Variants in EML6 observed in about 807,000 individuals in gnomAD.
EML6 encodes the protein echinoderm microtubule-associated protein-like 6.
In EML6, 154 loss-of-function variants were observed where a neutral mutation model predicts 240.1. The observed-to-expected ratio is 0.64, with a 90% CI of 0.56 to 0.73. The LOEUF (loss-of-function observed/expected upper bound fraction) is 0.73, where lower values mean the gene tolerates loss of function less well. Among genes scored for constraint, EML6 ranks in the 30% least tolerant of loss-of-function variants. The probability of loss-of-function intolerance (pLI) is 0.00; values close to 1 mark genes in which losing one functional copy is unlikely to be tolerated. For missense variants in EML6, 2,964 were observed against 2,474.6 expected (o/e 1.20, Z -4.20); for synonymous variants, 1,148 against 899.0 (o/e 1.28, Z -4.95).
Position 54,859,601 on chromosome 2 carries a change from T to A in EML6, c.1725T>A (p.Phe575Leu). ...HVTNVRWSHDFQWVLSTGGAD... is the reference protein window; with the variant it reads ...HVTNVRWSHDLQWVLSTGGAD... ...CAAATGTCCGCTGGTCCCATGACTT[T>A]CAGTGGGTGTTGAGCACAGGAGGGG... Residue 575 changes from phenylalanine to leucine, a missense_variant, in exon 12 of 42, where the codon TTT becomes TTA. Physicochemically the swap from Phe to Leu is conservative, Grantham distance 22. Coordinates refer to ENST00000356458, the MANE Select transcript of EML6 (RefSeq NM_001039753.4). 1 of 1,551,470 alleles carries A rather than the reference T, an allele frequency of 6.4e-7. No individual in the cohort carries two copies. The highest frequency in any genetic ancestry group is 8.7e-7 in the Non-Finnish European group (1 of 1,146,872).
At chr2:54,934,685 G>A (rs2104418776) in intron 28 of EML6, among the ~76,000 whole-genome samples, 1 of 152,128 alleles carries the variant, frequency 6.6e-6, no homozygotes, top group Non-Finnish European at 1.5e-5. Flanking sequence ...AAGTACCTGG[G>A]ACTAGGACTA....
At position 54,950,672 on chromosome 2, in the gene EML6, T is replaced by G. The variant is rs1386092394; in HGVS notation, c.4106T>G (p.Phe1369Cys). The G allele has an allele frequency of 1.2e-5, 18 of 1,551,638 alleles. No individual in the cohort carries two copies. The highest frequency in any genetic ancestry group is 8.7e-7 in the Non-Finnish European group (1 of 1,146,972). ...LVEELALDHV[F>C]GYRGFDCRNN... is the part of the protein sequence containing the mutation. ...CAGGAGCTGGCTCTAGACCACGTGT[T>G]TGGCTACAGAGGTTTCGACTGTCGA... Residue 1369 changes from phenylalanine to cysteine, a missense_variant, in exon 30 of 42, where the codon TTT becomes TGT. Coordinates refer to ENST00000356458, the MANE Select transcript of EML6 (RefSeq NM_001039753.4).
intron 2 of EML6, among the ~76,000 whole-genome samples, chr2:54,791,561 A>G (rs1324404498): frequency 6.6e-6 from 1 of 152,224 alleles, no homozygotes; most frequent in Non-Finnish European, 1.5e-5. Flanking sequence ...AGTGGATTCT[A>G]TAATTAGAAG....
chr2:54,813,157 GA>G, intron 2 of EML6, 74 bp from the exon 3 acceptor site: 1 of 1,081,098 alleles, frequency 9.2e-7, no homozygotes, highest in Non-Finnish European at 1.3e-6. Context: ...ATTTAAATGA[GA>G]AACAGATTTG....
chr2:54,820,821 T>G (rs1288230189), intron 5 of EML6, among the ~76,000 whole-genome samples: 1 of 152,170 alleles, frequency 6.6e-6, no homozygotes, highest in African/African-American at 2.4e-5. Context: ...TTTACATATT[T>G]GCATGTCAAC....
intron 24 of EML6, 116 bp downstream of exon 24, chr2:54,903,618 CA>C: frequency 1.8e-6 from 1 of 548,680 alleles, no homozygotes; most frequent in Non-Finnish European, 3.0e-6. Context: ...GGGAATCCCA[CA>C]ACAATATAAA....
chr2:54,895,185 C>G (rs1672697265), intron 20 of EML6, 88 bp from the exon 21 acceptor site: 1 of 1,432,478 alleles, frequency 7.0e-7, no homozygotes, highest in African/African-American at 1.4e-5. Flanking sequence ...CTGCCTAGTA[C>G]CTAGTTCTTT....
At chr2:54,732,135 C>G (rs1483276754) in intron 2 of EML6, among the ~76,000 whole-genome samples, 3 of 151,970 alleles carry the variant, frequency 2.0e-5, no homozygotes. Flanking sequence ...AAATCTATTA[C>G]CCATTTTTAA....
chr2:54,849,774 C>G (rs1239201412), intron 9 of EML6, among the ~76,000 whole-genome samples, 188 bp from the exon 10 acceptor site: 2 of 152,344 alleles, frequency 1.3e-5, no homozygotes, highest in Admixed American at 1.3e-4. Flanking sequence ...AGGCGTAAGC[C>G]ACCGCGCCCG....
chr2:54,863,727 C>T lies in EML6; in HGVS notation c.1826-56C>T, dbSNP rs753481634. On this transcript the variant is annotated intron_variant, in intron 12 of 41. Transcript: ENST00000356458. ...AAAGGAAAAATATTTTAGATAATTT[C>T]AGTTGCTCAGAGTCTCAGAATTTTT... 1.3e-4 allele frequency: 108 copies of T among 816,850 alleles called. 1 individual carries two copies. Among genetic ancestry groups the T allele is most frequent in the Non-Finnish European group, 6.3e-5 (31 of 495,388 alleles). 50.6% of individuals were successfully genotyped at this position (816,850 alleles called of 1,614,324 possible).
rs1056971716 is a variant in EML6 at position 54,799,429 on chromosome 2, T to C, written c.198-13803T>C. Among the ~76,000 whole-genome samples the C allele has an allele frequency of 2.7e-4, 41 of 152,014 alleles. 1 individual carries two copies. The highest frequency in any genetic ancestry group is 6.8e-3 in the Middle Eastern group (2 of 294). ...GGCGCGATCTCCGTTCACTGCAACC[T>C]CTGACTCCCTGATTCAAGCGATTCT... On this transcript the variant is annotated intron_variant, in intron 2 of 41. Transcript: ENST00000356458.
At chr2:54,908,985 T>C (rs536502062) in intron 24 of EML6, among the ~76,000 whole-genome samples, 1 of 152,358 alleles carries the variant, frequency 6.6e-6, no homozygotes, top group East Asian at 1.9e-4. Context: ...TCTATGTGTT[T>C]AGATTCTCGA....
chr2:54,808,814 T>C (rs2631845), intron 2 of EML6, among the ~76,000 whole-genome samples: 129,847 of 152,184 alleles, frequency 0.85, 55,500 homozygotes, highest in Middle Eastern at 0.92. Context: ...TTCGTGATCT[T>C]ATCTGACATC....
chr2:54,927,239 C>A (rs1488005045), intron 26 of EML6, among the ~76,000 whole-genome samples: 1 of 152,230 alleles, frequency 6.6e-6, no homozygotes, highest in South Asian at 2.1e-4. Context: ...CTGCCATCAG[C>A]TAGTAGTTGG....
intron 5 of EML6, among the ~76,000 whole-genome samples, chr2:54,826,967 G>A (rs946405070): frequency 6.6e-6 from 1 of 152,174 alleles, no homozygotes; most frequent in Non-Finnish European, 1.5e-5. Context: ...GAGGCCAGGA[G>A]TTCGAGACCA....
chr2:54,825,412 G>A (rs1030372113), intron 5 of EML6, among the ~76,000 whole-genome samples: 2 of 151,936 alleles, frequency 1.3e-5, no homozygotes, highest in African/African-American at 2.4e-5. Context: ...TTTATTACAG[G>A]TGTGTGCTAC....
intron 12 of EML6, among the ~76,000 whole-genome samples, chr2:54,860,506 A>C (rs1421529066): frequency 6.6e-6 from 1 of 152,024 alleles, no homozygotes; most frequent in Non-Finnish European, 1.5e-5. Flanking sequence ...ACACACATTA[A>C]CCCAGCTGGC....
chr2:54,784,349 T>C (rs1423813499), intron 2 of EML6, among the ~76,000 whole-genome samples: 2 of 152,246 alleles, frequency 1.3e-5, no homozygotes, highest in Non-Finnish European at 2.9e-5. Flanking sequence ...TATATTAGAA[T>C]AAATATTTAT....
chr2:54,944,978 CTCCCTTTCTCCCTCCCCTCCCCCA>C (rs1281038539), intron 28 of EML6, among the ~76,000 whole-genome samples: 5 of 149,898 alleles, frequency 3.3e-5, no homozygotes, highest in African/African-American at 1.2e-4. Context: ...TTTCTCGCCC[CTCCCTTTCTCCCTCCCCTCCCCCA>C]TCCATTCCTC....
Sources: allele counts gnomAD v4.1 joint callset (sites outside exome capture counted in the v4.1 genomes callset), GRCh38; gene constraint gnomAD v4.1.1; transcripts MANE v1.5; gene names NCBI Gene and HGNC (gene_info 2026-07-23, HGNC 2026-07-21).